Variants in NEGR1 observed in about 807,000 individuals in gnomAD.
NEGR1 encodes the protein IgLON family member 4.
In NEGR1, 10 loss-of-function variants were observed where a neutral mutation model predicts 40.9. That is an observed-to-expected ratio of 0.24 (90% CI 0.15 to 0.42). The LOEUF (loss-of-function observed/expected upper bound fraction) is 0.42, where lower values mean the gene tolerates loss of function less well. NEGR1 is among the 10% of genes least tolerant of loss of function. The pLI is 1.00. For missense variants in NEGR1, 352 were observed against 438.9 expected (o/e 0.80, Z 1.77); for synonymous variants, 185 against 166.8 (o/e 1.11, Z -0.84).
intron 1 of NEGR1, among the ~76,000 whole-genome samples, chr1:72,040,864 C>T (rs1247015479): frequency 6.6e-6 from 1 of 151,834 alleles, no homozygotes; most frequent in East Asian, 1.9e-4. Context: ...ATTTCCAGGA[C>T]ATCAATTTTA....
At chr1:72,281,201 G>A (rs1227730510) in intron 1 of NEGR1, among the ~76,000 whole-genome samples, 1 of 152,016 alleles carries the variant, frequency 6.6e-6, no homozygotes, top group African/African-American at 2.4e-5. Context: ...AGGAAGGTAG[G>A]AATAAAAAGG....
At chr1:71,805,870 T>C (rs747802814) in intron 2 of NEGR1, among the ~76,000 whole-genome samples, 20 of 152,238 alleles carry the variant, frequency 1.3e-4, no homozygotes, top group Non-Finnish European at 2.1e-4. Context: ...TATGGCAAAT[T>C]TGCTTTTGCA....
intron 1 of NEGR1, among the ~76,000 whole-genome samples, chr1:72,257,177 C>A (rs1233329727): frequency 3.3e-5 from 5 of 151,740 alleles, no homozygotes; most frequent in Non-Finnish European, 1.5e-5. Context: ...AAAATATTAG[C>A]CGGGCGTAGT....
intron 1 of NEGR1, among the ~76,000 whole-genome samples, chr1:72,137,977 A>G (rs1014058701): frequency 1.3e-5 from 2 of 152,128 alleles, no homozygotes; most frequent in African/African-American, 4.8e-5. Context: ...AAAAACAAAG[A>G]CAAAATTAAG....
At chr1:71,793,585 G>C (rs1316345837) in intron 2 of NEGR1, among the ~76,000 whole-genome samples, 2 of 151,864 alleles carry the variant, frequency 1.3e-5, no homozygotes, top group Non-Finnish European at 2.9e-5. Context: ...TCATGAAACT[G>C]ACATAATGTG....
intron 1 of NEGR1, among the ~76,000 whole-genome samples, chr1:72,263,477 G>T (rs980288065): frequency 6.6e-6 from 1 of 151,652 alleles, no homozygotes; most frequent in South Asian, 2.1e-4. Context: ...CATCAAGAGT[G>T]ATCAAAGAGC....
chr1:72,092,624 G>A (rs909650194), intron 1 of NEGR1, among the ~76,000 whole-genome samples: 2 of 152,020 alleles, frequency 1.3e-5, no homozygotes, highest in African/African-American at 4.8e-5. Context: ...CTTCATTGTT[G>A]TACTACAATG....
intron 3 of NEGR1, among the ~76,000 whole-genome samples, chr1:71,752,336 G>A (rs1425775128): frequency 6.6e-6 from 1 of 152,122 alleles, no homozygotes; most frequent in African/African-American, 2.4e-5. Context: ...AAACAAATGG[G>A]TGTGATTATG....
chr1:72,079,096 TA>T (rs1214970475), intron 1 of NEGR1, among the ~76,000 whole-genome samples: 3 of 147,736 alleles, frequency 2.0e-5, no homozygotes, highest in African/African-American at 4.9e-5. Flanking sequence ...AATATATATA[TA>T]TATATATATA....
intron 1 of NEGR1, among the ~76,000 whole-genome samples, chr1:72,059,496 A>G (rs1255846299): frequency 6.6e-6 from 1 of 151,656 alleles, no homozygotes; most frequent in Non-Finnish European, 1.5e-5. Context: ...ATTCTGCCTT[A>G]TGATTAATAA....
At chr1:71,482,722 T>A (rs1314554668) in intron 6 of NEGR1, among the ~76,000 whole-genome samples, 1 of 151,898 alleles carries the variant, frequency 6.6e-6, no homozygotes, top group Non-Finnish European at 1.5e-5. Context: ...ATTAGGTTTA[T>A]CTCAATGCCT....
chr1:71,457,452 C>A (rs1646680906), intron 6 of NEGR1, among the ~76,000 whole-genome samples: 1 of 152,184 alleles, frequency 6.6e-6, no homozygotes, highest in Non-Finnish European at 1.5e-5. Flanking sequence ...TTAATTCTTT[C>A]AGTCATTCAT....
chr1:71,575,566 G>C (rs998635743), intron 6 of NEGR1, among the ~76,000 whole-genome samples: 1 of 152,102 alleles, frequency 6.6e-6, no homozygotes, highest in African/African-American at 2.4e-5. Flanking sequence ...GGTGGATCAC[G>C]AGGTCAGGAG....
intron 6 of NEGR1, among the ~76,000 whole-genome samples, chr1:71,447,229 A>G (rs12123319): frequency 0.71 from 108,555 of 152,054 alleles, 39,401 homozygotes; most frequent in Non-Finnish European, 0.77. Context: ...CCTCTGAACA[A>G]CCTTCGCCAA....
At chr1:72,174,658 T>G (rs1288870389) in intron 1 of NEGR1, among the ~76,000 whole-genome samples, 2 of 152,148 alleles carry the variant, frequency 1.3e-5, no homozygotes, top group African/African-American at 2.4e-5. Context: ...TGGATTTGAA[T>G]TAGAACAAAG....
At chr1:72,182,852 A>AGGAAAG (rs5775109) in intron 1 of NEGR1, among the ~76,000 whole-genome samples, 150,073 of 151,560 alleles carry the variant, frequency 0.99, 74,325 homozygotes, top group East Asian at 1. Context: ...AGTTAATAAA[A>AGGAAAG]GACCCATCCC....
chr1:71,774,707 A>G (rs1656442940), intron 3 of NEGR1, among the ~76,000 whole-genome samples: 1 of 152,212 alleles, frequency 6.6e-6, no homozygotes. Flanking sequence ...TATGAAACAA[A>G]ATCAAATTTC....
chr1:71,968,619 T>A (rs1646230626), intron 1 of NEGR1, among the ~76,000 whole-genome samples: 1 of 152,220 alleles, frequency 6.6e-6, no homozygotes, highest in African/African-American at 2.4e-5. Context: ...ATATTTTGTA[T>A]AGAAAAGGTT....
intron 2 of NEGR1, among the ~76,000 whole-genome samples, chr1:71,786,701 A>G (rs1656922735): frequency 1.3e-5 from 2 of 152,122 alleles, no homozygotes; most frequent in South Asian, 4.1e-4. Context: ...TGGTGGTTCT[A>G]TCAACATGGC....
Sources: allele counts gnomAD v4.1 joint callset (sites outside exome capture counted in the v4.1 genomes callset), GRCh38; gene constraint gnomAD v4.1.1; transcripts MANE v1.5; gene names NCBI Gene and HGNC (gene_info 2026-07-23, HGNC 2026-07-21).